Variants in MSH3 observed in about 807,000 individuals in gnomAD.
MSH3 encodes the protein mutS homolog 3.
In MSH3, 106 loss-of-function variants were observed where a neutral mutation model predicts 123.3. That is an observed-to-expected ratio of 0.86 (90% CI 0.73 to 1.01). The LOEUF (loss-of-function observed/expected upper bound fraction) is 1.01. MSH3 is among the 50% of genes least tolerant of loss of function. The pLI is 0.00. For missense variants in MSH3, 1,459 were observed against 1,347.6 expected (o/e 1.08, Z -1.29); for synonymous variants, 515 against 481.4 (o/e 1.07, Z -0.91).
chr5:80,769,967 A>T (rs13177598), intron 15 of MSH3, among the ~76,000 whole-genome samples: 1 of 152,184 alleles, frequency 6.6e-6, no homozygotes, highest in Non-Finnish European at 1.5e-5. Flanking sequence ...CATTAAGTCA[A>T]CCTGTCTTCT....
chr5:80,730,234 A>G (rs1323769361), intron 10 of MSH3, among the ~76,000 whole-genome samples: 5 of 152,246 alleles, frequency 3.3e-5, no homozygotes, highest in Non-Finnish European at 4.4e-5. Context: ...TTAAAATTTC[A>G]TGAACAGTAT....
rs536816442 is a variant in MSH3 at position 80,856,332 on chromosome 5, A to G, written c.3000+2016A>G. On this transcript the variant is annotated intron_variant, in intron 21 of 23. Coordinates refer to ENST00000265081, the MANE Select transcript of MSH3 (RefSeq NM_002439.5). ...TTGCTTTAAAAAATTTATTTGCAAA[A>G]AGATGTAACTCAGAAACTTTAATCA... Among the ~76,000 whole-genome samples, 18 of 152,064 alleles carry G rather than the reference A, an allele frequency of 1.2e-4. No individual in the cohort carries two copies. In the East Asian group the frequency reaches 3.5e-3, roughly 29 times the overall value.
chr5:80,815,545 G>A (rs1156628451), intron 20 of MSH3, among the ~76,000 whole-genome samples: 1 of 152,144 alleles, frequency 6.6e-6, no homozygotes, highest in Non-Finnish European at 1.5e-5. Flanking sequence ...AGCTACTTCT[G>A]GTGTTTCAGT....
At chr5:80,671,218 G>A (rs537387818) in intron 4 of MSH3, among the ~76,000 whole-genome samples, 1 of 152,250 alleles carries the variant, frequency 6.6e-6, no homozygotes, top group South Asian at 2.1e-4. Flanking sequence ...CATTTCATAG[G>A]CAAACTTAGG....
Position 80,711,055 on chromosome 5 carries a change from C to T in MSH3, c.1341-14398C>T, listed in dbSNP as rs147807012. On this transcript the variant is annotated intron_variant, in intron 8 of 23. Transcript: ENST00000265081. The stretch of plus-strand genomic sequence containing the variant: ...AAAACAAAACCAAAACCAACCATTA[C>T]AAAAGAAGCAAAGGTATAATCAAAA... 4.7e-3 allele frequency among the ~76,000 whole-genome samples: 710 copies of T among 152,190 alleles called. 8 individuals are homozygous for T. The highest frequency in any genetic ancestry group is 0.013 in the South Asian group (61 of 4,822).
At chr5:80,685,466 T>C (rs1160541017) in intron 8 of MSH3, among the ~76,000 whole-genome samples, 3 of 152,084 alleles carry the variant, frequency 2.0e-5, no homozygotes, top group Admixed American at 6.5e-5. Context: ...TGGTTGCTCA[T>C]AGTAACCACT....
At chr5:80,873,045 A>T in intron 22 of MSH3, 71 bp from the exon 23 acceptor site, 1 of 1,309,216 alleles carries the variant, frequency 7.6e-7, no homozygotes, top group Non-Finnish European at 1.1e-6. Flanking sequence ...GAGAACTTAC[A>T]TGTCCTTTTT....
intron 3 of MSH3, among the ~76,000 whole-genome samples, chr5:80,668,915 A>T (rs1749632361): frequency 6.6e-6 from 1 of 152,076 alleles, no homozygotes; most frequent in Non-Finnish European, 1.5e-5. Flanking sequence ...TCTTCCACCC[A>T]TTTCTGGCTC....
rs562166194 is a variant in MSH3 at position 80,691,124 on chromosome 5, G to T, written c.1340+12031G>T. Among the ~76,000 whole-genome samples, 70 of 152,062 alleles carry T rather than the reference G, an allele frequency of 4.6e-4. 1 individual carries two copies. Among genetic ancestry groups the T allele is most frequent in the Admixed American group, 1.1e-3 (17 of 15,270 alleles). On this transcript the variant is annotated intron_variant, in intron 8 of 23. Transcript: ENST00000265081. ...TATTTTTGAATAGCACAACTGAAAA[G>T]TAGTTAATATTTAGACTACGTATTT... is the stretch of plus-strand genomic sequence containing the variant.
At chr5:80,802,725 T>C (rs551859400) in intron 19 of MSH3, among the ~76,000 whole-genome samples, 94 of 152,312 alleles carry the variant, frequency 6.2e-4, no homozygotes, top group African/African-American at 2.2e-3. Flanking sequence ...TCACCCCTAC[T>C]ACCCTTCCCA....
intron 15 of MSH3, among the ~76,000 whole-genome samples, chr5:80,774,936 A>C (rs1580041276): frequency 1.3e-5 from 2 of 152,194 alleles, no homozygotes; most frequent in East Asian, 3.8e-4. Flanking sequence ...TTAATTGTAC[A>C]TTTTTAAATA....
chr5:80,875,889 A>G lies in MSH3; in HGVS notation c.*27A>G, dbSNP rs1308523648. 7.2e-7 allele frequency: 1 copy of G among 1,383,306 alleles called. No individual in the cohort carries two copies. The highest frequency in any genetic ancestry group is 1.2e-5 in the South Asian group (1 of 85,368). 85.7% of individuals were successfully genotyped at this position (1,383,306 alleles called of 1,614,324 possible). A position where few individuals can be genotyped will look rare whatever the true frequency, so the allele number is the denominator to read the frequency against. ...ATGAAGACTACATTTGTGAACAAAAAATGGAGAATTAAAAATACCAACTGT... is the reference window on the plus strand; with the variant it reads ...ATGAAGACTACATTTGTGAACAAAAGATGGAGAATTAAAAATACCAACTGT... On this transcript the variant is annotated 3_prime_UTR_variant, in exon 24 of 24. Coordinates refer to ENST00000265081, the MANE Select transcript of MSH3 (RefSeq NM_002439.5).
intron 12 of MSH3, chr5:80,746,217 C>G: frequency 4.1e-6 from 1 of 246,864 alleles, no homozygotes; most frequent in South Asian, 4.6e-5. Flanking sequence ...CAATATTCTG[C>G]TCATACGATT....
At position 80,854,162 on chromosome 5, in the gene MSH3, A is replaced by G. The variant is rs184967; in HGVS notation, c.2846A>G (p.Gln949Arg). Reference sequence around the variant, plus strand: ...GCTGCAGACAATATATATAAAGGACAGAGTACATTTATGGAAGAACTGACT... The same window carrying G: ...GCTGCAGACAATATATATAAAGGACGGAGTACATTTATGGAAGAACTGACT... The part of the protein sequence containing the change: ...MGAADNIYKG[Q>R]STFMEELTDT... The change falls in exon 21 of 24, where the codon CAG becomes CGG. Residue 949 changes from glutamine (Q) to arginine (R), a missense_variant. Coordinates refer to ENST00000265081, the MANE Select transcript of MSH3 (RefSeq NM_002439.5). The G allele has an allele frequency of 0.85, 1,378,398 of 1,612,888 alleles. 590,189 individuals carry two copies. Among genetic ancestry groups the G allele is most frequent in the East Asian group, 1 (44,797 of 44,818 alleles).
chr5:80,875,583 T>C (rs957297887), intron 23 of MSH3, among the ~76,000 whole-genome samples, 168 bp from the exon 24 acceptor site: 1 of 152,176 alleles, frequency 6.6e-6, no homozygotes, highest in Non-Finnish European at 1.5e-5. Context: ...TTGATTATAG[T>C]AGCAGCTCTG....
chr5:80,666,903 G>A (rs1174928610), intron 3 of MSH3, among the ~76,000 whole-genome samples: 1 of 152,172 alleles, frequency 6.6e-6, no homozygotes, highest in Admixed American at 6.5e-5. Context: ...AGGTTAAATT[G>A]AGTTCAGCAT....
intron 19 of MSH3, among the ~76,000 whole-genome samples, chr5:80,806,509 T>C (rs1744893907): frequency 2.0e-5 from 3 of 152,260 alleles, no homozygotes; most frequent in Admixed American, 2.0e-4. Flanking sequence ...CATCAGTTTA[T>C]GGAATTATTT....
At chr5:80,703,614 A>T (rs1054216298) in intron 8 of MSH3, among the ~76,000 whole-genome samples, 1 of 152,066 alleles carries the variant, frequency 6.6e-6, no homozygotes, top group Non-Finnish European at 1.5e-5. Context: ...AGTCCTGTGT[A>T]TGCTGAAGTC....
chr5:80,762,451 A>G (rs962773684), intron 13 of MSH3, among the ~76,000 whole-genome samples: 2 of 151,766 alleles, frequency 1.3e-5, no homozygotes, highest in Middle Eastern at 3.2e-3. Context: ...ATATGTATAT[A>G]TATAAAATGC....
Sources: gnomAD v4.1 joint callset for allele counts (sites outside exome capture counted in the v4.1 genomes callset) on GRCh38, gnomAD v4.1.1 for gene constraint, MANE v1.5 for transcripts, NCBI Gene and HGNC (gene_info 2026-07-23, HGNC 2026-07-21) for gene names.